Variants in IL1RAPL2 observed in about 807,000 individuals in gnomAD.
IL1RAPL2 encodes the protein interleukin 1 receptor accessory protein like 2.
Under a neutral mutation model 44.1 loss-of-function variants are expected in IL1RAPL2, and 3 were observed. The observed-to-expected ratio is 0.07, with a 90% confidence interval of 0.03 to 0.18. IL1RAPL2 has a LOEUF of 0.18. Ranked by LOEUF, IL1RAPL2 falls within the 10% of genes least tolerant of loss-of-function variation. The probability of loss-of-function intolerance (pLI) is 1.00; values close to 1 mark genes in which losing one functional copy is unlikely to be tolerated. For missense variants in IL1RAPL2, 391 were observed against 496.4 expected (o/e 0.79, Z 2.02); for synonymous variants, 181 against 178.8 (o/e 1.01, Z -0.10).
chrX:105,338,671 C>A (rs967887448), intron 5 of IL1RAPL2, among the ~76,000 whole-genome samples: 5 of 112,172 alleles, frequency 4.5e-5, no homozygotes, highest in African/African-American at 1.6e-4. Flanking sequence ...CCTAGCAATA[C>A]TGCATTTGAA....
At chrX:105,296,711 C>T (rs2034656855) in intron 5 of IL1RAPL2, among the ~76,000 whole-genome samples, 1 of 112,422 alleles carries the variant, frequency 8.9e-6, no homozygotes, top group African/African-American at 3.2e-5. Flanking sequence ...AAGACGTTGA[C>T]ACTAGTCTTG....
intron 2 of IL1RAPL2, among the ~76,000 whole-genome samples, chrX:104,950,470 A>C (rs1477806186): frequency 8.9e-6 from 1 of 112,513 alleles, no homozygotes; most frequent in Admixed American, 9.3e-5. Context: ...GCAGGCAGGC[A>C]GGCCTCCTTG....
At chrX:104,659,785 T>C (rs964602443) in intron 2 of IL1RAPL2, among the ~76,000 whole-genome samples, 29 of 112,103 alleles carry the variant, frequency 2.6e-4, no homozygotes, top group African/African-American at 8.1e-4. Flanking sequence ...AATTCATTTA[T>C]TTCTGAGAAT....
intron 2 of IL1RAPL2, among the ~76,000 whole-genome samples, chrX:104,998,850 G>A (rs1274985477): frequency 9.0e-6 from 1 of 111,225 alleles, no homozygotes; most frequent in Non-Finnish European, 1.9e-5. Context: ...TATCCAGGCT[G>A]GAGTGCAGTG....
chrX:105,112,699 C>T (rs2032813662), intron 2 of IL1RAPL2, among the ~76,000 whole-genome samples: 1 of 112,974 alleles, frequency 8.9e-6, no homozygotes, highest in Non-Finnish European at 1.9e-5. Context: ...ATGAAATCCT[C>T]AAATGCAACA....
At chrX:104,884,454 A>T (rs184151147) in intron 2 of IL1RAPL2, among the ~76,000 whole-genome samples, 1 of 111,707 alleles carries the variant, frequency 9.0e-6, no homozygotes, top group Non-Finnish European at 1.9e-5. Flanking sequence ...GAAACAAACA[A>T]AGCAAAACCA....
At chrX:105,280,773 C>T (rs1392342529) in intron 5 of IL1RAPL2, among the ~76,000 whole-genome samples, 1 of 110,777 alleles carries the variant, frequency 9.0e-6, no homozygotes, top group Non-Finnish European at 1.9e-5. Context: ...AGTCAGGAAA[C>T]AACAGATGCT....
In IL1RAPL2 at chrX:105,012,674, C is replaced by CACACAG. The variant is rs1258556672; in HGVS notation, c.83-182800_83-182799insCACAGA. ...ACACACACACACACACACACACACA[C>CACACAG]AGAGAGAGAGAGAGAGAATAATAAA... On this transcript the variant is annotated intron_variant, in intron 2 of 10. Coordinates refer to ENST00000372582, the MANE Select transcript of IL1RAPL2 (RefSeq NM_017416.2). Among the ~76,000 whole-genome samples, 191 of 81,256 alleles carry CACACAG rather than the reference C, an allele frequency of 2.4e-3. 3 individuals carry two copies. Among genetic ancestry groups the CACACAG allele is most frequent in the African/African-American group, 0.011 (181 of 16,983 alleles). The allele number at this position is 81,256 out of a possible 115,157, so 70.6% of individuals were successfully genotyped here. A position where few individuals can be genotyped will look rare whatever the true frequency, so the allele number is the denominator to read the frequency against.
intron 2 of IL1RAPL2, among the ~76,000 whole-genome samples, chrX:104,885,578 T>C (rs1330417713): frequency 9.0e-6 from 1 of 110,580 alleles, no homozygotes; most frequent in Non-Finnish European, 1.9e-5. Context: ...AAGCCCTGGG[T>C]CCTGAACAAA....
chrX:104,734,408 C>T (rs927350533), intron 2 of IL1RAPL2, among the ~76,000 whole-genome samples: 24 of 112,565 alleles, frequency 2.1e-4, no homozygotes, highest in African/African-American at 6.1e-4. Flanking sequence ...TTTGCATCAA[C>T]AGATGAATGG....
At chrX:104,812,395 C>T in intron 2 of IL1RAPL2, among the ~76,000 whole-genome samples, 1 of 111,450 alleles carries the variant, frequency 9.0e-6, no homozygotes, top group Middle Eastern at 4.7e-3. Flanking sequence ...TGTAATGCAA[C>T]AAAAAGAGAG....
intron 5 of IL1RAPL2, among the ~76,000 whole-genome samples, chrX:105,331,504 C>G (rs2034986030): frequency 9.0e-6 from 1 of 111,257 alleles, no homozygotes; most frequent in Non-Finnish European, 1.9e-5. Flanking sequence ...AAAGCTTTCC[C>G]AGATGGTGAA....
chrX:105,484,319 TCA>T lies in IL1RAPL2; in HGVS notation c.707_708del (p.Thr236ArgfsTer23). ...CTTTCATTTTCTCTTCTAGCTTTAC[TCA>T]CAGACAAGCCTCCCAAGCCATTGTT... On this transcript the variant is annotated frameshift_variant, in exon 6 of 11. Coordinates refer to ENST00000372582, the MANE Select transcript of IL1RAPL2 (RefSeq NM_017416.2). LOFTEE classifies it high-confidence loss of function. 8.3e-7 allele frequency: 1 copy of T among 1,199,502 alleles called. No individual in the cohort carries two copies. The highest frequency in any genetic ancestry group is 1.1e-6 in the Non-Finnish European group (1 of 884,394).
At chrX:104,876,650 T>G (rs1196965823) in intron 2 of IL1RAPL2, among the ~76,000 whole-genome samples, 3 of 83,372 alleles carry the variant, frequency 3.6e-5, no homozygotes, top group African/African-American at 1.4e-4. Context: ...TATATAGCTT[T>G]CTTTTTTTTT....
chrX:104,919,328 C>G (rs1394600305), intron 2 of IL1RAPL2, among the ~76,000 whole-genome samples: 1 of 104,597 alleles, frequency 9.6e-6, no homozygotes, highest in Non-Finnish European at 1.9e-5. Flanking sequence ...TGGGTTCAAG[C>G]GATTCTCCTG....
intron 2 of IL1RAPL2, among the ~76,000 whole-genome samples, chrX:105,026,465 CA>C (rs2031374278): frequency 9.1e-6 from 1 of 109,989 alleles, no homozygotes; most frequent in Admixed American, 9.7e-5. Flanking sequence ...AAGACTCCAC[CA>C]AAAAACTATT....
At chrX:104,906,682 T>C (rs964914923) in intron 2 of IL1RAPL2, among the ~76,000 whole-genome samples, 4 of 111,926 alleles carry the variant, frequency 3.6e-5, no homozygotes, top group African/African-American at 1.3e-4. Context: ...GATAAGCTTT[T>C]TGATGTGCTG....
chrX:105,542,647 C>G lies in IL1RAPL2; in HGVS notation c.772+58260C>G, dbSNP rs1361077670. On this transcript the variant is annotated intron_variant, in intron 6 of 10. Coordinates refer to ENST00000372582, the MANE Select transcript of IL1RAPL2 (RefSeq NM_017416.2). ...CCTATTTGTCATTTAATCCTCACAA[C>G]AATCCTATAAAATAGATTCTCTTTT... Among the ~76,000 whole-genome samples, 4 of 107,976 alleles carry G rather than the reference C, an allele frequency of 3.7e-5. No homozygotes were observed. The Admixed American group carries it at 3.9e-4, about 11-fold the overall frequency. The allele number at this position is 107,976 out of a possible 115,157, so 93.8% of individuals were successfully genotyped here.
At chrX:105,296,773 G>C (rs1400825381) in intron 5 of IL1RAPL2, among the ~76,000 whole-genome samples, 1 of 111,645 alleles carries the variant, frequency 9.0e-6, no homozygotes, top group Non-Finnish European at 1.9e-5. Context: ...TGATCTCTCT[G>C]GTTATTTTAG....
Sources: gnomAD v4.1 joint callset for allele counts (sites outside exome capture counted in the v4.1 genomes callset) on GRCh38, gnomAD v4.1.1 for gene constraint, MANE v1.5 for transcripts, NCBI Gene and HGNC (gene_info 2026-07-23, HGNC 2026-07-21) for gene names.